The following CRB1 variants were observed in gnomAD, a reference collection of about 807,000 sequenced individuals.
CRB1 encodes protein crumbs homolog 1.
In CRB1, 83 loss-of-function variants were observed where a neutral mutation model predicts 120.0. The ratio of observed to expected loss-of-function variants is 0.69; its 90% confidence interval spans 0.58 to 0.83. CRB1 has a LOEUF of 0.83. Among genes scored for constraint, CRB1 ranks in the 40% least tolerant of loss-of-function variants. The pLI is 0.00. For missense variants in CRB1, 1,699 were observed against 1,687.6 expected (o/e 1.01, Z -0.12); for synonymous variants, 625 against 612.5 (o/e 1.02, Z -0.30).
chr1:197,211,146 A>C, the CRB1 span, among the ~76,000 whole-genome samples: 164 of 152,312 alleles, frequency 1.1e-3, no homozygotes, highest in Non-Finnish European at 2.1e-3. Flanking sequence ...ATAAGAAGCA[A>C]ATATGAAATA....
rs138919324 is a variant in CRB1, at chr1:197,292,804, A to G, written c.70+24322A>G. ...CCAGCATATAAACAGAACCAAAGAC[A>G]AAAACCACTTGATTATCTCAATAGA... On this transcript the variant is annotated intron_variant, in intron 1 of 11. Coordinates refer to ENST00000367400, the MANE Select transcript of CRB1 (RefSeq NM_201253.3). 1.8e-4 allele frequency among the ~76,000 whole-genome samples: 27 copies of G among 152,310 alleles called. 1 individual carries two copies. In the East Asian group the frequency reaches 5.2e-3, roughly 29 times the overall value.
intron 5 of CRB1, among the ~76,000 whole-genome samples, chr1:197,409,007 T>G (rs1663560130): frequency 6.6e-6 from 1 of 152,228 alleles, no homozygotes; most frequent in South Asian, 2.1e-4. Flanking sequence ...ATTTTGTCTT[T>G]CGTTTGAAGA....
intron 5 of CRB1, among the ~76,000 whole-genome samples, chr1:197,373,891 A>G (rs1405897563): frequency 1.3e-5 from 2 of 152,224 alleles, no homozygotes; most frequent in East Asian, 3.9e-4. Context: ...GAATCAGATT[A>G]TCAAACTGAA....
chr1:197,224,695 A>G, the CRB1 span, among the ~76,000 whole-genome samples: 2 of 152,124 alleles, frequency 1.3e-5, no homozygotes, highest in African/African-American at 4.8e-5. Context: ...GCAAAAATAT[A>G]TACTAATAAT....
chr1:197,452,080 A>T (rs960460940), intron 11 of CRB1, among the ~76,000 whole-genome samples: 1 of 152,246 alleles, frequency 6.6e-6, no homozygotes, highest in Non-Finnish European at 1.5e-5. Flanking sequence ...TTCGGGAATC[A>T]TCTAATCCAA....
intron 2 of CRB1, among the ~76,000 whole-genome samples, chr1:197,333,872 T>C (rs1294264563): frequency 1.3e-5 from 2 of 152,202 alleles, no homozygotes; most frequent in Non-Finnish European, 2.9e-5. Context: ...AGAGAAAGTA[T>C]AATGTCTCTA....
rs114973695 is a variant in CRB1, at chr1:197,438,673, A to G, written c.3876A>G (p.Glu1292=). The G allele has an allele frequency of 5.0e-6, 8 of 1,611,724 alleles. No homozygotes were observed. The East Asian group carries it at 1.6e-4, about 31-fold the overall frequency. The part of the protein sequence containing the change: ...KCMCRPGFTG[E]WCEKDIDECA... ...TGTGCCGGCCAGGTTTTACTGGAGA[A>G]TGGTGAGTCACATTAGAGCCTTCTG... The change falls in exon 10 of 12, where the codon GAA becomes GAG. Residue 1292 remains glutamate (E), a splice_region_variant and synonymous_variant. Coordinates refer to ENST00000367400, the MANE Select transcript of CRB1 (RefSeq NM_201253.3).
intron 1 of CRB1, among the ~76,000 whole-genome samples, chr1:197,288,981 A>G (rs1364434560): frequency 1.3e-5 from 2 of 151,546 alleles, no homozygotes; most frequent in African/African-American, 4.8e-5. Flanking sequence ...TTAAAAAAAA[A>G]AAAAAACTTG....
At chr1:197,258,024 ATTC>A in the CRB1 span, among the ~76,000 whole-genome samples, 5 of 152,264 alleles carry the variant, frequency 3.3e-5, no homozygotes, top group Admixed American at 6.5e-5. Flanking sequence ...CATTTCTCTG[ATTC>A]TTCTTCTCTC....
At chr1:197,333,234 A>G (rs574120093) in intron 2 of CRB1, among the ~76,000 whole-genome samples, 1 of 152,352 alleles carries the variant, frequency 6.6e-6, no homozygotes, top group East Asian at 1.9e-4. Flanking sequence ...GCACTCCATT[A>G]TGCTTCATGG....
chr1:197,383,010 C>A (rs1662035033), intron 5 of CRB1, among the ~76,000 whole-genome samples: 1 of 152,110 alleles, frequency 6.6e-6, no homozygotes, highest in East Asian at 1.9e-4. Flanking sequence ...TTGGTAACTA[C>A]CCTCAAAAAT....
chr1:197,452,664 G>A (rs1455506772), intron 11 of CRB1, among the ~76,000 whole-genome samples: 1 of 152,168 alleles, frequency 6.6e-6, no homozygotes, highest in Non-Finnish European at 1.5e-5. Context: ...AGGGATCAGA[G>A]CAAGGTTTAG....
At chr1:197,222,706 G>A in the CRB1 span, 5 of 821,376 alleles carry the variant, frequency 6.1e-6, no homozygotes, top group Non-Finnish European at 8.7e-6. Flanking sequence ...TCCATTCTCA[G>A]TTCATTTCCC....
At chr1:197,220,118 G>T in the CRB1 span, among the ~76,000 whole-genome samples, 35 of 151,826 alleles carry the variant, frequency 2.3e-4, no homozygotes, top group Middle Eastern at 6.8e-3. Flanking sequence ...ATTCTCCTTT[G>T]TGGGTCTGAC....
intron 6 of CRB1, among the ~76,000 whole-genome samples, chr1:197,425,981 A>C (rs751720756): frequency 2.0e-5 from 3 of 151,502 alleles, no homozygotes; most frequent in Non-Finnish European, 2.9e-5. Flanking sequence ...TTATCAGAAC[A>C]TCCTGCCTGA....
At chr1:197,437,118 G>A (rs1366093592) in intron 9 of CRB1, among the ~76,000 whole-genome samples, 1 of 152,046 alleles carries the variant, frequency 6.6e-6, no homozygotes, top group African/African-American at 2.4e-5. Flanking sequence ...GGAGGTGAGA[G>A]GGTTATTATT....
intron 1 of CRB1, among the ~76,000 whole-genome samples, chr1:197,290,268 G>GTGTA (rs1195173137): frequency 9.5e-6 from 1 of 105,400 alleles, no homozygotes; most frequent in Admixed American, 9.1e-5. Flanking sequence ...TCCCTTTCGT[G>GTGTA]TGTGTGTGTG....
At chr1:197,450,957 C>CAAAAAAAAAAAAAAAAAAAA (rs11288525) in intron 11 of CRB1, among the ~76,000 whole-genome samples, 1 of 56,628 alleles carries the variant, frequency 1.8e-5, no homozygotes, top group African/African-American at 7.5e-5. Context: ...GACTCCGTCC[C>CAAAAAAAAAAAAAAAAAAAA]AAAAAAAAAA....
At chr1:197,429,056 T>G (rs1664741124) in intron 7 of CRB1, 1 of 1,495,096 alleles carries the variant, frequency 6.7e-7, no homozygotes, top group Admixed American at 2.0e-5. Flanking sequence ...CGCTTCTGTG[T>G]AGGATCTTGG....
Sources: gnomAD v4.1 joint callset for allele counts (sites outside exome capture counted in the v4.1 genomes callset) on GRCh38, gnomAD v4.1.1 for gene constraint, MANE v1.5 for transcripts, NCBI Gene and HGNC (gene_info 2026-07-23, HGNC 2026-07-21) for gene names.